Variants in UCKL1 observed in about 807,000 individuals in gnomAD.
The protein encoded by UCKL1 is uridine-cytidine kinase-like 1.
A neutral mutation model predicts 59.2 loss-of-function variants in UCKL1; 65 were observed. That is an observed-to-expected ratio of 1.10 (90% CI 0.90 to 1.35). The LOEUF (loss-of-function observed/expected upper bound fraction) is 1.35, where lower values mean the gene tolerates loss of function less well. Ranked by LOEUF, UCKL1 falls within the 40% of genes most tolerant of loss-of-function variation. The pLI, the probability that UCKL1 is intolerant of heterozygous loss-of-function variation, is 0.00. For synonymous variants in UCKL1, 410 were observed against 323.1 expected (o/e 1.27, Z -2.88); for missense variants, 703 against 784.3 (o/e 0.90, Z 1.24).
At position 63,951,036 on chromosome 20, in the gene UCKL1, G is replaced by A. The variant is rs991977254; in HGVS notation, c.114-4393C>T. 3.2e-5 allele frequency: 39 copies of A among 1,229,778 alleles called. No individual in the cohort carries two copies. In the African/African-American group the frequency reaches 5.3e-4, roughly 17 times the overall value. 76.2% of individuals were successfully genotyped at this position (1,229,778 alleles called of 1,614,324 possible). On this transcript the variant is annotated intron_variant, in intron 1 of 14. Coordinates refer to ENST00000354216, the MANE Select transcript of UCKL1 (RefSeq NM_017859.4). ...AGCACAGTGGGTGCAGAGCCGGGTG[G>A]CTGGGGTGAGACCCTTGGCTGGCAG... is the stretch of plus-strand genomic sequence containing the variant.
chr20:63,955,306 A>G (rs1601412395), intron 1 of UCKL1: 3 of 152,398 alleles, frequency 2.0e-5, no homozygotes, highest in Admixed American at 2.0e-4. Context: ...CTCAGGCCCT[A>G]TTAGACTCCA....
intron 1 of UCKL1, among the ~76,000 whole-genome samples, chr20:63,949,221 A>G (rs1198665860): frequency 6.6e-6 from 1 of 152,164 alleles, no homozygotes; most frequent in Non-Finnish European, 1.5e-5. Context: ...TCTGGAGCTG[A>G]GTGGTGACGT....
chr20:63,947,372 T>C (rs551731749), intron 1 of UCKL1, among the ~76,000 whole-genome samples: 7 of 152,346 alleles, frequency 4.6e-5, no homozygotes, highest in Non-Finnish European at 1.0e-4. Flanking sequence ...CGGCACACTC[T>C]CTGGGCAGCC....
rs771102211 is a variant in UCKL1, at chr20:63,939,981, C to T, written c.1642G>A (p.Gly548Ser). ...GSDEEEVAYT[G>S] The stretch of plus-strand genomic sequence containing the variant: ...CGGGATGGCTCACTGGGCAGCTAAC[C>T]CGTGTAGGCCACTTCCTCCTCGTCA... Residue 548 changes from glycine (G) to serine (S), a missense_variant, in exon 15 of 15, where the codon GGT becomes AGT. Physicochemically the swap from Gly to Ser is moderately conservative, Grantham distance 56. Coordinates refer to ENST00000354216, the MANE Select transcript of UCKL1 (RefSeq NM_017859.4). The T allele has an allele frequency of 5.6e-6, 9 of 1,612,440 alleles. No individual in the cohort carries two copies. The Admixed American group carries it at 6.7e-5, about 12-fold the overall frequency.
chr20:63,946,765 G>C, intron 1 of UCKL1, 122 bp from the exon 2 acceptor site: 1 of 1,024,318 alleles, frequency 9.8e-7, no homozygotes, highest in Non-Finnish European at 1.4e-6. Flanking sequence ...AGGCGGGCAG[G>C]CTCATTGGGG....
chr20:63,947,074 C>T (rs560820856), intron 1 of UCKL1, among the ~76,000 whole-genome samples: 2 of 151,440 alleles, frequency 1.3e-5, no homozygotes, highest in African/African-American at 4.9e-5. Flanking sequence ...GAGTGAGACT[C>T]CACCTCAAAA....
chr20:63,941,385 G>A, intron 8 of UCKL1, 177 bp from the exon 9 acceptor site: 1 of 959,068 alleles, frequency 1.0e-6, no homozygotes, highest in Non-Finnish European at 1.5e-6. Flanking sequence ...CGCCCTACCT[G>A]AGCTGTCAGG....
chr20:63,949,907 G>A (rs756786637), intron 1 of UCKL1, among the ~76,000 whole-genome samples: 3 of 152,236 alleles, frequency 2.0e-5, no homozygotes, highest in South Asian at 4.1e-4. Flanking sequence ...GACACCAGAC[G>A]GCAGAGGCCG....
Position 63,939,904 on chromosome 20 carries a change from A to ATCTT in UCKL1, c.*68_*71dup, listed in dbSNP as rs2053890347. 1.6e-6 allele frequency: 2 copies of ATCTT among 1,245,216 alleles called. No homozygotes were observed. The highest frequency in any genetic ancestry group is 3.0e-5 in the African/African-American group (2 of 66,544). The allele number at this position is 1,245,216 out of a possible 1,614,324, so 77.1% of individuals were successfully genotyped here. On this transcript the variant is annotated 3_prime_UTR_variant, in exon 15 of 15. Transcript: ENST00000354216. The stretch of plus-strand genomic sequence containing the variant: ...TACTAGTAACATTTTAAAAATTAAC[A>ATCTT]TCTTTGTATTCAGCAGTCCTGGGTC...
intron 1 of UCKL1, among the ~76,000 whole-genome samples, chr20:63,951,642 CCCAGGGCTCAGCAG>C (rs1424727922): frequency 1.3e-5 from 2 of 152,148 alleles, no homozygotes; most frequent in African/African-American, 2.4e-5. Flanking sequence ...GGGCTCACCA[CCCAGGGCTCAGCAG>C]AGCACAGGGG....
intron 8 of UCKL1, chr20:63,942,850 C>T (rs1020217993): frequency 3.0e-5 from 12 of 401,240 alleles, no homozygotes; most frequent in Admixed American, 2.6e-4. Flanking sequence ...ACAAGACCTG[C>T]GGGTTCCTAG....
chr20:63,942,634 A>G (rs1257400334), intron 8 of UCKL1: 1 of 556,466 alleles, frequency 1.8e-6, no homozygotes, highest in Non-Finnish European at 3.3e-6. Context: ...GTGGGCGGTC[A>G]GGCCCCCAGC....
At position 63,950,847 on chromosome 20, in the gene UCKL1, G is replaced by A; in HGVS notation, c.114-4204C>T. Reference sequence around the variant, plus strand: ...CTCATGGTCGAGGACACGGGTGGGTGCTCCTGAACAGCAGAGTGGCCCCAG... The same window carrying A: ...CTCATGGTCGAGGACACGGGTGGGTACTCCTGAACAGCAGAGTGGCCCCAG... On this transcript the variant is annotated intron_variant, in intron 1 of 14. Transcript: ENST00000354216. The A allele has an allele frequency of 6.0e-6, 9 of 1,497,466 alleles. No individual in the cohort carries two copies. In the South Asian group the frequency reaches 7.9e-5, roughly 13 times the overall value. The allele number at this position is 1,497,466 out of a possible 1,614,324, so 92.8% of individuals were successfully genotyped here. A position where few individuals can be genotyped will look rare whatever the true frequency, so the allele number is the denominator to read the frequency against.
At chr20:63,944,498 CGTTGGCCTG>C in intron 6 of UCKL1, 38 bp downstream of exon 6, 1 of 1,585,328 alleles carries the variant, frequency 6.3e-7, no homozygotes, top group Non-Finnish European at 8.6e-7. Context: ...GGGGCTGGGC[CGTTGGCCTG>C]CCCGACACCC....
At chr20:63,944,016 G>T (rs1478470127) in intron 7 of UCKL1, among the ~76,000 whole-genome samples, 1 of 152,214 alleles carries the variant, frequency 6.6e-6, no homozygotes, top group African/African-American at 2.4e-5. Flanking sequence ...CTCCTGGGGT[G>T]ACCCCCTGAG....
At position 63,944,717 on chromosome 20, in the gene UCKL1, G is replaced by T; in HGVS notation, c.672C>A (p.Ile224=). The change falls in exon 6 of 15, where the codon ATC becomes ATA. Residue 224 remains isoleucine (I), a synonymous_variant. Transcript: ENST00000354216. The stretch of plus-strand genomic sequence containing the variant: ...GGATGTCGGAGTCTGTGTCCACAAA[G>T]ATCTTCATGTCCAGGAGCTGGTGGA... ...KTLLELLDMK[I]FVDTDSDIRL... 1.2e-6 allele frequency: 2 copies of T among 1,612,736 alleles called. No individual in the cohort carries two copies. The highest frequency in any genetic ancestry group is 2.7e-5 in the African/African-American group (2 of 75,076).
chr20:63,943,553 G>GT (rs1434241170), intron 8 of UCKL1, 100 bp downstream of exon 8: 21 of 1,571,136 alleles, frequency 1.3e-5, no homozygotes, highest in Non-Finnish European at 1.8e-5. Flanking sequence ...CTGTGACTGG[G>GT]GAAGAGCCAG....
chr20:63,940,637 C>T lies in UCKL1; in HGVS notation c.1259G>A (p.Gly420Asp). Residue 420 changes from glycine (G) to aspartate (D), a missense_variant, in exon 12 of 15, where the codon GGC (glycine) becomes GAC (aspartate). Coordinates refer to ENST00000354216, the MANE Select transcript of UCKL1 (RefSeq NM_017859.4). ...LRAVCKDVRI[G>D]TILIQTNQLT... ...CTGGTTGGTCTGGATGAGGATGGTGCCGATGCGCACGTCTTTGCACACAGC... is the reference window on the plus strand; with the variant it reads ...CTGGTTGGTCTGGATGAGGATGGTGTCGATGCGCACGTCTTTGCACACAGC... 1.2e-6 allele frequency: 2 copies of T among 1,610,054 alleles called. No homozygotes were observed. Among genetic ancestry groups the T allele is most frequent in the Middle Eastern group, 1.7e-4 (1 of 6,048 alleles).
rs751449223 is a variant in UCKL1 at position 63,940,045 on chromosome 20, G to A, written c.1578C>T (p.Gly526=). The stretch of plus-strand genomic sequence containing the variant: ...CCGCGTCTGTCCCAAAGTAGCGGTC[G>A]CCAAAGTTCCCTGGAAAAAGGGGGG... ...FRIIPGIGNF[G]DRYFGTDAVP... The change falls in exon 15 of 15, where the codon GGC becomes GGT. Residue 526 remains glycine, a synonymous_variant. Coordinates refer to ENST00000354216, the MANE Select transcript of UCKL1 (RefSeq NM_017859.4). 16 of 995,032 alleles carry A rather than the reference G, an allele frequency of 1.6e-5. No individual in the cohort carries two copies. The highest frequency in any genetic ancestry group is 1.6e-4 in the Admixed American group (8 of 49,872). The allele number at this position is 995,032 out of a possible 1,614,324, so 61.6% of individuals were successfully genotyped here. A position where few individuals can be genotyped will look rare whatever the true frequency, so the allele number is the denominator to read the frequency against.
Sources: allele counts gnomAD v4.1 joint callset (sites outside exome capture counted in the v4.1 genomes callset), GRCh38; gene constraint gnomAD v4.1.1; transcripts MANE v1.5; gene names NCBI Gene and HGNC (gene_info 2026-07-23, HGNC 2026-07-21).